SGCZ: variants seen among roughly 807,000 people sequenced by gnomAD.
SGCZ encodes the protein zeta-sarcoglycan.
Under a neutral mutation model 41.3 loss-of-function variants are expected in SGCZ, and 40 were observed. The observed-to-expected ratio is 0.97, with a 90% CI of 0.75 to 1.26. The LOEUF (loss-of-function observed/expected upper bound fraction) is 1.26, where lower values mean the gene tolerates loss of function less well. SGCZ is among the 50% of genes most tolerant of loss of function. The probability of loss-of-function intolerance (pLI) is 0.00; values close to 1 mark genes in which losing one functional copy is unlikely to be tolerated. For missense variants in SGCZ, 552 were observed against 369.8 expected, an observed-to-expected ratio of 1.49 and a Z score of -4.04; for synonymous variants, 206 against 137.5, an observed-to-expected ratio of 1.50 and a Z score of -3.49.
At position 14,555,059 on chromosome 8, in the gene SGCZ, T is replaced by C; in HGVS notation, c.40-133A>G. On this transcript the variant is annotated intron_variant, in intron 1 of 7. Transcript: ENST00000382080. ...TTGGCAGTGAGCATTCAAATAACTA[T>C]TGTTGTGTAATTAAAATGTTATAGA... The C allele has an allele frequency of 5.4e-6, 4 of 734,232 alleles. No homozygotes were observed. In the South Asian group the frequency reaches 6.9e-5, roughly 13 times the overall value. The allele number at this position is 734,232 out of a possible 1,614,324, so 45.5% of individuals were successfully genotyped here.
intron 2 of SGCZ, among the ~76,000 whole-genome samples, chr8:14,346,334 T>C (rs1802891156): frequency 6.6e-6 from 1 of 152,044 alleles, no homozygotes; most frequent in South Asian, 2.1e-4. Flanking sequence ...AAATATACAT[T>C]AGGAAACAAG....
intron 1 of SGCZ, among the ~76,000 whole-genome samples, chr8:14,961,076 C>T (rs1236500625): frequency 6.6e-6 from 1 of 152,006 alleles, no homozygotes; most frequent in African/African-American, 2.4e-5. Flanking sequence ...CTCTAAATTC[C>T]TTGGCGGCAA....
In SGCZ at chr8:14,712,031, G is replaced by C. The variant is rs189266346; in HGVS notation, c.40-157105C>G. ...TGCCTGTAATCCCAGCACTTTTGGA[G>C]GCTGAGGTGGGTGGATCACCTGAGG... On this transcript the variant is annotated intron_variant, in intron 1 of 7. Coordinates refer to ENST00000382080, the MANE Select transcript of SGCZ (RefSeq NM_139167.4). Among the ~76,000 whole-genome samples the C allele has an allele frequency of 3.7e-3, 556 of 152,260 alleles. 7 individuals are homozygous for C. Among genetic ancestry groups the C allele is most frequent in the African/African-American group, 0.013 (538 of 41,538 alleles).
intron 1 of SGCZ, among the ~76,000 whole-genome samples, chr8:14,899,721 A>C (rs1798898396): frequency 6.6e-6 from 1 of 152,126 alleles, no homozygotes; most frequent in African/African-American, 2.4e-5. Flanking sequence ...AGAGGAGGGT[A>C]GAAGAATATA....
intron 3 of SGCZ, among the ~76,000 whole-genome samples, chr8:14,261,360 G>A (rs573283002): frequency 1.8e-4 from 28 of 152,088 alleles, no homozygotes; most frequent in Non-Finnish European, 1.5e-4. Context: ...AAAATTCAGC[G>A]TAGGTTTTAA....
intron 4 of SGCZ, among the ~76,000 whole-genome samples, chr8:14,216,776 G>C (rs1321597816): frequency 6.6e-6 from 1 of 152,038 alleles, no homozygotes; most frequent in Non-Finnish European, 1.5e-5. Flanking sequence ...AATGGTGAAA[G>C]ACTAAATGCT....
At chr8:14,203,571 G>A (rs553010794) in intron 4 of SGCZ, among the ~76,000 whole-genome samples, 1 of 152,212 alleles carries the variant, frequency 6.6e-6, no homozygotes, top group South Asian at 2.1e-4. Flanking sequence ...TCTTGCCAGA[G>A]TTTGAGTATT....
chr8:14,459,237 A>T (rs914623369), intron 2 of SGCZ, among the ~76,000 whole-genome samples: 5 of 152,010 alleles, frequency 3.3e-5, no homozygotes, highest in African/African-American at 1.2e-4. Context: ...TGGACACAGG[A>T]AGGGGAACAC....
intron 3 of SGCZ, among the ~76,000 whole-genome samples, chr8:14,269,233 C>T (rs969194021): frequency 1.3e-5 from 2 of 152,088 alleles, no homozygotes; most frequent in African/African-American, 4.8e-5. Flanking sequence ...GAGATTATTA[C>T]TTTAATGGCT....
chr8:15,023,641 T>A (rs1428462207), intron 1 of SGCZ, among the ~76,000 whole-genome samples: 1 of 152,210 alleles, frequency 6.6e-6, no homozygotes, highest in Non-Finnish European at 1.5e-5. Flanking sequence ...ACATTTTTAT[T>A]ATATTTTTTA....
intron 4 of SGCZ, among the ~76,000 whole-genome samples, chr8:14,180,746 C>T (rs1251916850): frequency 6.6e-6 from 1 of 151,974 alleles, no homozygotes; most frequent in Non-Finnish European, 1.5e-5. Context: ...TCAGGGTTAC[C>T]TCTGAAACTC....
chr8:15,093,667 C>T (rs981596151), intron 1 of SGCZ, among the ~76,000 whole-genome samples: 1 of 152,082 alleles, frequency 6.6e-6, no homozygotes, highest in Non-Finnish European at 1.5e-5. Flanking sequence ...CAACAGAACA[C>T]GTTTATTGTA....
intron 1 of SGCZ, among the ~76,000 whole-genome samples, chr8:14,980,565 A>G (rs1032545255): frequency 2.0e-5 from 3 of 152,216 alleles, no homozygotes; most frequent in African/African-American, 7.2e-5. Context: ...AAGCCTCACA[A>G]TCATGGTGGA....
At chr8:14,167,986 T>C (rs970769741) in intron 4 of SGCZ, among the ~76,000 whole-genome samples, 2 of 152,218 alleles carry the variant, frequency 1.3e-5, no homozygotes, top group Non-Finnish European at 2.9e-5. Context: ...TTCCTCTTGG[T>C]ACTATTTAGC....
At chr8:15,053,342 C>G (rs1804586559) in intron 1 of SGCZ, among the ~76,000 whole-genome samples, 1 of 152,126 alleles carries the variant, frequency 6.6e-6, no homozygotes, top group Non-Finnish European at 1.5e-5. Flanking sequence ...GATAAAGAAT[C>G]TACACTATTT....
intron 1 of SGCZ, among the ~76,000 whole-genome samples, chr8:14,971,140 T>C (rs1801282143): frequency 6.6e-6 from 1 of 152,234 alleles, no homozygotes. Context: ...TTGCTATTAT[T>C]GGTTCTAGTA....
intron 1 of SGCZ, among the ~76,000 whole-genome samples, chr8:15,107,050 G>C (rs574427809): frequency 6.6e-6 from 1 of 152,036 alleles, no homozygotes; most frequent in Admixed American, 6.6e-5. Flanking sequence ...CCTTACATGA[G>C]CCCCTCTTCA....
chr8:14,490,378 G>C (rs1272677738), intron 2 of SGCZ, among the ~76,000 whole-genome samples: 1 of 152,098 alleles, frequency 6.6e-6, no homozygotes, highest in Non-Finnish European at 1.5e-5. Flanking sequence ...GTTATTGTAA[G>C]ATAGAAATAT....
intron 1 of SGCZ, among the ~76,000 whole-genome samples, chr8:15,159,245 G>A (rs1799426021): frequency 6.6e-6 from 1 of 152,182 alleles, no homozygotes; most frequent in African/African-American, 2.4e-5. Context: ...GTGGTCCACG[G>A]AGAGCAGGCA....
Sources: gnomAD v4.1 joint callset for allele counts (sites outside exome capture counted in the v4.1 genomes callset) on GRCh38, gnomAD v4.1.1 for gene constraint, MANE v1.5 for transcripts, NCBI Gene and HGNC (gene_info 2026-07-23, HGNC 2026-07-21) for gene names.